The following NAALADL2 variants were observed in gnomAD, a reference collection of about 807,000 sequenced individuals.
NAALADL2 encodes the protein inactive N-acetylated-alpha-linked acidic dipeptidase-like protein 2.
A neutral mutation model predicts 87.2 loss-of-function variants in NAALADL2; 76 were observed. That is an observed-to-expected ratio of 0.87 (90% CI 0.72 to 1.05). The LOEUF is 1.05. Among genes scored for constraint, NAALADL2 ranks in the 50% least tolerant of loss-of-function variants. NAALADL2 has a pLI of 0.00. For synonymous variants in NAALADL2, 354 were observed against 331.0 expected (o/e 1.07, Z -0.75); for missense variants, 1,089 against 945.8 (o/e 1.15, Z -1.99).
chr3:174,810,678 C>T (rs764560213), intron 3 of NAALADL2, among the ~76,000 whole-genome samples: 5 of 151,942 alleles, frequency 3.3e-5, no homozygotes, highest in Non-Finnish European at 5.9e-5. Flanking sequence ...AACCTGCAGC[C>T]TGGCCATGTG....
chr3:175,786,503 G>C (rs1751983806), intron 13 of NAALADL2, among the ~76,000 whole-genome samples: 1 of 151,984 alleles, frequency 6.6e-6, no homozygotes, highest in South Asian at 2.1e-4. Flanking sequence ...AGCTCCTGAG[G>C]CTTCTGCATT....
chr3:174,927,225 A>G (rs1364614847), intron 1 of NAALADL2, among the ~76,000 whole-genome samples: 1 of 152,200 alleles, frequency 6.6e-6, no homozygotes, highest in Non-Finnish European at 1.5e-5. Context: ...TTAGAGACCT[A>G]CAACGAGACT....
chr3:175,523,576 G>A lies in NAALADL2; in HGVS notation c.1653+51818G>A, dbSNP rs1438120877. 9.2e-5 allele frequency among the ~76,000 whole-genome samples: 14 copies of A among 152,172 alleles called. 1 individual carries two copies. On this transcript the variant is annotated intron_variant, in intron 9 of 13. Coordinates refer to ENST00000454872, the MANE Select transcript of NAALADL2 (RefSeq NM_207015.3). The stretch of plus-strand genomic sequence containing the variant: ...AAATTTTCTTTTTAATCCTCCGCAC[G>A]GCAAGTTACTTCTCTAGAAGCGAAG...
At chr3:174,842,218 A>T (rs1263547197) in intron 3 of NAALADL2, among the ~76,000 whole-genome samples, 1 of 151,848 alleles carries the variant, frequency 6.6e-6, no homozygotes, top group Non-Finnish European at 1.5e-5. Context: ...CGCCTGGCTA[A>T]TTTTGTATGT....
intron 3 of NAALADL2, among the ~76,000 whole-genome samples, chr3:174,754,635 A>C (rs987589584): frequency 2.6e-5 from 4 of 152,154 alleles, no homozygotes; most frequent in Admixed American, 6.5e-5. Flanking sequence ...CACTGGATCC[A>C]GACTATGAGC....
intron 1 of NAALADL2, among the ~76,000 whole-genome samples, chr3:174,531,985 A>C (rs1721277420): frequency 1.3e-5 from 2 of 152,252 alleles, no homozygotes; most frequent in African/African-American, 4.8e-5. Context: ...GTATTGATTT[A>C]GACTAATGAA....
intron 11 of NAALADL2, among the ~76,000 whole-genome samples, chr3:175,692,266 ATAGT>A (rs1046789454): frequency 9.2e-5 from 14 of 152,034 alleles, no homozygotes; most frequent in Admixed American, 1.3e-4. Flanking sequence ...ATAATTATTC[ATAGT>A]TAGTTCATAA....
rs567591496 is a variant in NAALADL2 at position 175,475,144 on chromosome 3, T to G, written c.1653+3386T>G. On this transcript the variant is annotated intron_variant, in intron 9 of 13. Coordinates refer to ENST00000454872, the MANE Select transcript of NAALADL2 (RefSeq NM_207015.3). Reference sequence around the variant, plus strand: ...GGATGTTCTATAGACATCAGTGGAGTGCCAGCACCTCTGATTGAGTAGAGA... The same window carrying G: ...GGATGTTCTATAGACATCAGTGGAGGGCCAGCACCTCTGATTGAGTAGAGA... Among the ~76,000 whole-genome samples the G allele has an allele frequency of 3.9e-5, 6 of 151,952 alleles. No individual in the cohort carries two copies. In the South Asian group the frequency reaches 8.3e-4, roughly 21 times the overall value.
At chr3:175,476,050 T>A (rs1725659451) in intron 9 of NAALADL2, among the ~76,000 whole-genome samples, 1 of 152,212 alleles carries the variant, frequency 6.6e-6, no homozygotes, top group Non-Finnish European at 1.5e-5. Context: ...TAGTCGTTGT[T>A]GTTGTTTTAA....
chr3:174,832,728 A>T (rs1722875310), intron 3 of NAALADL2, among the ~76,000 whole-genome samples: 1 of 152,112 alleles, frequency 6.6e-6, no homozygotes, highest in African/African-American at 2.4e-5. Flanking sequence ...AGCCTCCCAA[A>T]GTGCTGGGAT....
intron 2 of NAALADL2, among the ~76,000 whole-genome samples, chr3:174,706,120 T>C (rs1730045188): frequency 6.6e-6 from 1 of 152,220 alleles, no homozygotes; most frequent in Non-Finnish European, 1.5e-5. Flanking sequence ...TAAACACATG[T>C]AAAACAACAA....
intron 6 of NAALADL2, among the ~76,000 whole-genome samples, chr3:175,455,061 C>A (rs1032440885): frequency 2.6e-5 from 4 of 152,018 alleles, no homozygotes; most frequent in African/African-American, 9.7e-5. Flanking sequence ...GAAGAGAGAG[C>A]AGTTGTAGGA....
chr3:175,639,064 T>C (rs961304843), intron 11 of NAALADL2, among the ~76,000 whole-genome samples: 2 of 152,184 alleles, frequency 1.3e-5, no homozygotes, highest in African/African-American at 2.4e-5. Flanking sequence ...TTTTACTATA[T>C]AAGTGGAATC....
Position 175,454,720 on chromosome 3 carries a change from T to C in NAALADL2, c.1234+7348T>C, listed in dbSNP as rs937755806. On this transcript the variant is annotated intron_variant, in intron 6 of 13. Transcript: ENST00000454872. Reference sequence around the variant, plus strand: ...TGTTAACAAGATTTGTTTTGTATTTTATTTGGCATTATAAGTTATTATCAG... The same window carrying C: ...TGTTAACAAGATTTGTTTTGTATTTCATTTGGCATTATAAGTTATTATCAG... Among the ~76,000 whole-genome samples the C allele has an allele frequency of 2.0e-5, 3 of 152,218 alleles. No homozygotes were observed. The East Asian group carries it at 5.8e-4, about 29-fold the overall frequency.
intron 1 of NAALADL2, among the ~76,000 whole-genome samples, chr3:174,951,522 C>A (rs541577151): frequency 7.2e-5 from 11 of 152,136 alleles, no homozygotes; most frequent in South Asian, 6.2e-4. Flanking sequence ...TGTTCTCCTT[C>A]CCTTCTTTCT....
intron 9 of NAALADL2, among the ~76,000 whole-genome samples, chr3:175,496,406 A>T (rs1022747452): frequency 2.6e-5 from 4 of 151,798 alleles, no homozygotes; most frequent in African/African-American, 9.7e-5. Context: ...TTCTCTACCC[A>T]TATATTTTAT....
intron 2 of NAALADL2, among the ~76,000 whole-genome samples, chr3:174,658,153 A>G (rs1578449531): frequency 6.6e-6 from 1 of 152,094 alleles, no homozygotes; most frequent in Non-Finnish European, 1.5e-5. Context: ...TGATTGTTGG[A>G]TTGTACGGTA....
chr3:174,491,970 T>C (rs1283165080), intron 1 of NAALADL2, among the ~76,000 whole-genome samples: 1 of 152,126 alleles, frequency 6.6e-6, no homozygotes, highest in Non-Finnish European at 1.5e-5. Context: ...ATGTGTGACT[T>C]TAAAATTGAT....
chr3:174,472,778 A>G (rs969171028), intron 1 of NAALADL2, among the ~76,000 whole-genome samples: 4 of 152,104 alleles, frequency 2.6e-5, no homozygotes, highest in Non-Finnish European at 5.9e-5. Context: ...CTCAGTCCAC[A>G]CCACTAGGCC....
Sources: gnomAD v4.1 joint callset for allele counts (sites outside exome capture counted in the v4.1 genomes callset) on GRCh38, gnomAD v4.1.1 for gene constraint, MANE v1.5 for transcripts, NCBI Gene and HGNC (gene_info 2026-07-23, HGNC 2026-07-21) for gene names.